The following ST7 variants were observed in gnomAD, a reference collection of about 807,000 sequenced individuals.
ST7 encodes the protein suppression of tumorigenicity 7.
A neutral mutation model predicts 78.7 loss-of-function variants in ST7; 28 were observed. The ratio of observed to expected loss-of-function variants is 0.36; its 90% CI spans 0.26 to 0.49. ST7 has a LOEUF of 0.49. Among genes scored for constraint, ST7 ranks in the 20% least tolerant of loss-of-function variants. ST7 has a pLI of 0.99. For missense variants in ST7, 418 were observed against 696.0 expected (o/e 0.60, Z 4.49); for synonymous variants, 247 against 249.6 (o/e 0.99, Z 0.10).
chr7:117,029,895 G>T (rs1232580333), intron 1 of ST7, among the ~76,000 whole-genome samples: 2 of 151,938 alleles, frequency 1.3e-5, no homozygotes, highest in African/African-American at 4.8e-5. Flanking sequence ...CTAGGGATCT[G>T]TATATTTATC....
chr7:117,065,204 CTTTTTTTTTTT>C (rs11363365), intron 1 of ST7, among the ~76,000 whole-genome samples: 1 of 91,824 alleles, frequency 1.1e-5, no homozygotes, highest in Non-Finnish European at 2.2e-5. Context: ...TGGTTCAAGT[CTTTTTTTTTTT>C]TTTTTTTTTT....
At chr7:116,992,537 G>A (rs1287883392) in intron 1 of ST7, among the ~76,000 whole-genome samples, 2 of 152,308 alleles carry the variant, frequency 1.3e-5, no homozygotes, top group South Asian at 2.1e-4. Flanking sequence ...CACACAGCAC[G>A]GGACCCTGGC....
intron 12 of ST7, among the ~76,000 whole-genome samples, chr7:117,204,649 G>T (rs1317623500): frequency 1.3e-5 from 2 of 152,144 alleles, no homozygotes; most frequent in Admixed American, 1.3e-4. Flanking sequence ...ACTATGTGGT[G>T]TCTCTCCCAA....
intron 1 of ST7, among the ~76,000 whole-genome samples, chr7:116,988,766 G>A (rs968977026): frequency 1.3e-4 from 20 of 152,182 alleles, no homozygotes; most frequent in African/African-American, 4.1e-4. Flanking sequence ...TACAGGAATG[G>A]AGATGTTGTT....
At chr7:117,226,048 C>T (rs1793422045) in intron 15 of ST7, among the ~76,000 whole-genome samples, 1 of 152,192 alleles carries the variant, frequency 6.6e-6, no homozygotes, top group South Asian at 2.1e-4. Flanking sequence ...TGTCTCTCTC[C>T]TTCTCCGAGA....
At chr7:117,131,836 C>G (rs769367863) in intron 5 of ST7, 49 bp from the exon 6 acceptor site, 3 of 1,498,250 alleles carry the variant, frequency 2.0e-6, no homozygotes, top group Non-Finnish European at 2.8e-6. Flanking sequence ...CTGAGTCTAC[C>G]TAATTATATG....
chr7:117,034,821 C>A (rs189826549), intron 1 of ST7, among the ~76,000 whole-genome samples: 2 of 151,960 alleles, frequency 1.3e-5, no homozygotes, highest in African/African-American at 4.8e-5. Flanking sequence ...TTTCATAAAC[C>A]CTTTTTGACT....
In ST7 at chr7:117,166,097, A is replaced by G. The variant is rs149142198; in HGVS notation, c.964-4765A>G. ...AACAAAATTTTAAAAATTAGAACAT[A>G]TAGAAAATATGAAGGAAGAAATAAA... On this transcript the variant is annotated intron_variant, in intron 9 of 15. Transcript: ENST00000323984. Among the ~76,000 whole-genome samples the G allele has an allele frequency of 3.2e-3, 494 of 152,316 alleles. 2 individuals are homozygous for G. Among genetic ancestry groups the G allele is most frequent in the Middle Eastern group, 0.014 (4 of 294 alleles).
At chr7:117,079,956 T>C (rs1799626552) in intron 1 of ST7, among the ~76,000 whole-genome samples, 1 of 149,530 alleles carries the variant, frequency 6.7e-6, no homozygotes, top group African/African-American at 2.5e-5. Context: ...ACTATTGGAA[T>C]GTTTGTCATT....
At chr7:116,994,455 A>G (rs1262132106) in intron 1 of ST7, among the ~76,000 whole-genome samples, 1 of 152,242 alleles carries the variant, frequency 6.6e-6, no homozygotes, top group African/African-American at 2.4e-5. Flanking sequence ...TTGCCAAAAT[A>G]TATAATGTTT....
At chr7:117,026,570 C>G (rs1407106050) in intron 1 of ST7, among the ~76,000 whole-genome samples, 3 of 152,148 alleles carry the variant, frequency 2.0e-5, no homozygotes, top group Non-Finnish European at 4.4e-5. Context: ...CAATTTAATG[C>G]ATGTTTAGAA....
intron 1 of ST7, among the ~76,000 whole-genome samples, chr7:117,034,712 T>TA (rs1796788158): frequency 6.6e-6 from 1 of 152,220 alleles, no homozygotes; most frequent in Non-Finnish European, 1.5e-5. Flanking sequence ...GTTCTTTTTT[T>TA]AAAAAGCTTT....
chr7:117,029,697 GT>G (rs1399572155), intron 1 of ST7, among the ~76,000 whole-genome samples: 1 of 150,892 alleles, frequency 6.6e-6, no homozygotes, highest in Non-Finnish European at 1.5e-5. Context: ...GCTTCTATGT[GT>G]GCTATGATCC....
chr7:117,150,569 T>A (rs1806166057), intron 9 of ST7, among the ~76,000 whole-genome samples: 1 of 152,168 alleles, frequency 6.6e-6, no homozygotes, highest in African/African-American at 2.4e-5. Flanking sequence ...TTCTCCATCT[T>A]TTCCCTGGCT....
intron 10 of ST7, among the ~76,000 whole-genome samples, chr7:117,188,578 C>T (rs1381155911): frequency 2.6e-5 from 4 of 152,100 alleles, no homozygotes; most frequent in Admixed American, 6.5e-5. Context: ...ATTATCTGAA[C>T]CCCACACCCA....
intron 9 of ST7, among the ~76,000 whole-genome samples, chr7:117,158,216 T>G (rs1422844007): frequency 6.6e-6 from 1 of 152,218 alleles, no homozygotes; most frequent in African/African-American, 2.4e-5. Context: ...GATTTCCAAG[T>G]TTTGACCAGA....
chr7:117,181,683 C>T (rs978874374), intron 10 of ST7, among the ~76,000 whole-genome samples: 1 of 151,874 alleles, frequency 6.6e-6, no homozygotes, highest in African/African-American at 2.4e-5. Flanking sequence ...CCAAGCAAAT[C>T]CTGGAAATAA....
intron 10 of ST7, among the ~76,000 whole-genome samples, chr7:117,182,058 C>A (rs191932350): frequency 5.4e-4 from 82 of 152,228 alleles, no homozygotes; most frequent in Non-Finnish European, 9.6e-4. Flanking sequence ...GAATCCTATT[C>A]CCAGATTCTC....
At chr7:117,097,946 T>C (rs1360075179) in intron 1 of ST7, among the ~76,000 whole-genome samples, 15 of 122,998 alleles carry the variant, frequency 1.2e-4, no homozygotes, top group Non-Finnish European at 2.2e-4. Context: ...AGGCAAAGCC[T>C]CCTCAACTCA....
Sources: allele counts gnomAD v4.1 joint callset (sites outside exome capture counted in the v4.1 genomes callset), GRCh38; gene constraint gnomAD v4.1.1; transcripts MANE v1.5; gene names NCBI Gene and HGNC (gene_info 2026-07-23, HGNC 2026-07-21).